The following SYCE2 variants were observed in gnomAD, a reference collection of about 807,000 sequenced individuals.
SYCE2 encodes central element synaptonemal complex 1.
SYCE2 carries 3 observed loss-of-function variants against 27.9 expected under a neutral mutation model. The ratio of observed to expected loss-of-function variants is 0.11; its 90% CI spans 0.05 to 0.28. The LOEUF is 0.28. Among genes scored for constraint, SYCE2 ranks in the 10% least tolerant of loss-of-function variants. The probability of loss-of-function intolerance (pLI) is 1.00; values close to 1 mark genes in which losing one functional copy is unlikely to be tolerated. For synonymous variants in SYCE2, 85 were observed against 100.7 expected (o/e 0.84, Z 0.93); for missense variants, 207 against 263.5 (o/e 0.79, Z 1.48).
At chr19:12,917,052 T>C (rs1412220424) in intron 2 of SYCE2, among the ~76,000 whole-genome samples, 1 of 144,532 alleles carries the variant, frequency 6.9e-6, no homozygotes, top group Non-Finnish European at 1.5e-5. Flanking sequence ...GCCCAGCCTC[T>C]ACTATATATA....
chr19:12,904,469 T>G (rs1970897205), intron 3 of SYCE2, 23 bp downstream of exon 3: 4 of 1,613,534 alleles, frequency 2.5e-6, no homozygotes, highest in African/African-American at 1.3e-5. Flanking sequence ...GAATCCCCCC[T>G]CTCGCTGGGT....
At chr19:12,913,017 T>C (rs1240615074) in intron 2 of SYCE2, among the ~76,000 whole-genome samples, 1 of 152,204 alleles carries the variant, frequency 6.6e-6, no homozygotes, top group Non-Finnish European at 1.5e-5. Context: ...ATGCGTGGTG[T>C]CCTCTCTGCT....
At position 12,898,973 on chromosome 19, in the gene SYCE2, C is replaced by G; in HGVS notation, c.*368G>C. 1 of 302,662 alleles carries G rather than the reference C, an allele frequency of 3.3e-6. No individual in the cohort carries two copies. The highest frequency in any genetic ancestry group is 6.4e-6 in the Non-Finnish European group (1 of 157,062). 18.7% of individuals were successfully genotyped at this position (302,662 alleles called of 1,614,324 possible). ...TCAGCTGAGGCAAGTGACTGCTCTT[C>G]CGATGTGCTGTCCCTCCTATCCCTC... On this transcript the variant is annotated 3_prime_UTR_variant, in exon 6 of 6. Transcript: ENST00000293695.
At chr19:12,899,797 A>C (rs1178783415) in intron 5 of SYCE2, 9 of 1,588,200 alleles carry the variant, frequency 5.7e-6, no homozygotes, top group Non-Finnish European at 7.8e-6. Context: ...TTTACCCTGA[A>C]ATAGCAGCTT....
rs575486638 is a variant in SYCE2, at chr19:12,901,085, C to T, written c.307-437G>A. 6.6e-5 allele frequency among the ~76,000 whole-genome samples: 10 copies of T among 152,118 alleles called. No individual in the cohort carries two copies. The South Asian group carries it at 1.7e-3, about 25-fold the overall frequency. On this transcript the variant is annotated intron_variant, in intron 3 of 5. Transcript: ENST00000293695. Reference sequence around the variant, plus strand: ...TTGGGAGGCTGAGGCAGGAGAATGGCGTGAACCCGGGCGGCGGAGCTTGCA... The same window carrying T: ...TTGGGAGGCTGAGGCAGGAGAATGGTGTGAACCCGGGCGGCGGAGCTTGCA...
chr19:12,904,927 C>G (rs1053598729), intron 2 of SYCE2, among the ~76,000 whole-genome samples: 16 of 151,804 alleles, frequency 1.1e-4, no homozygotes, highest in African/African-American at 3.9e-4. Flanking sequence ...ATTGCTTGAA[C>G]CCAGGGGATG....
At chr19:12,911,615 C>T (rs866020072) in intron 2 of SYCE2, among the ~76,000 whole-genome samples, 4 of 103,748 alleles carry the variant, frequency 3.9e-5, no homozygotes, top group Admixed American at 1.2e-4. Flanking sequence ...TAATTTTTGC[C>T]TTTTTTTTTT....
chr19:12,903,075 A>C (rs1352536098), intron 3 of SYCE2, among the ~76,000 whole-genome samples: 1 of 147,730 alleles, frequency 6.8e-6, no homozygotes, highest in East Asian at 2.0e-4. Context: ...AACCAGAAAG[A>C]GGCAGTCTTC....
intron 2 of SYCE2, among the ~76,000 whole-genome samples, chr19:12,915,255 A>T (rs1442919733): frequency 1.3e-5 from 2 of 152,142 alleles, no homozygotes; most frequent in Non-Finnish European, 2.9e-5. Flanking sequence ...AAAGTTGACT[A>T]TGAGAATGGT....
chr19:12,915,569 T>A (rs1308243787), intron 2 of SYCE2, among the ~76,000 whole-genome samples: 6 of 129,912 alleles, frequency 4.6e-5, no homozygotes, highest in Non-Finnish European at 9.4e-5. Flanking sequence ...GCCCCCTCAC[T>A]CCAGCCTGGG....
intron 2 of SYCE2, among the ~76,000 whole-genome samples, chr19:12,907,223 C>A (rs192933618): frequency 6.6e-6 from 1 of 152,150 alleles, no homozygotes; most frequent in African/African-American, 2.4e-5. Flanking sequence ...GTTCTCTTTA[C>A]GACATGGGCT....
intron 3 of SYCE2, 95 bp from the exon 4 acceptor site, chr19:12,900,743 T>A: frequency 1.6e-6 from 2 of 1,241,930 alleles, no homozygotes; most frequent in Non-Finnish European, 2.3e-6. Flanking sequence ...GCAATTTATC[T>A]TATGAAAATG....
chr19:12,901,302 G>T (rs2145962830), intron 3 of SYCE2, among the ~76,000 whole-genome samples: 1 of 152,072 alleles, frequency 6.6e-6, no homozygotes, highest in East Asian at 1.9e-4. Flanking sequence ...CTTGAACCTG[G>T]GAGGTGGAGG....
intron 2 of SYCE2, among the ~76,000 whole-genome samples, chr19:12,909,971 A>T (rs1009317574): frequency 4.6e-5 from 7 of 152,192 alleles, no homozygotes; most frequent in African/African-American, 1.7e-4. Context: ...GTTTCAAGCG[A>T]TTCTCTTGCC....
At position 12,904,508 on chromosome 19, in the gene SYCE2, T is replaced by C. The variant is rs908987426; in HGVS notation, c.290A>G (p.Asn97Ser). 6.2e-7 allele frequency: 1 copy of C among 1,614,100 alleles called. No homozygotes were observed. The highest frequency in any genetic ancestry group is 1.1e-5 in the South Asian group (1 of 91,078). The change falls in exon 3 of 6, where the codon AAC becomes AGC. Residue 97 changes from asparagine to serine, a missense_variant. Asn to Ser is a conservative substitution (Grantham distance 46). Transcript: ENST00000293695. ...KDHALMTNFR[N>S]SLKTKVSDLT... The stretch of plus-strand genomic sequence containing the variant: ...GTCTGTCACCTTGGTCTTCAGGCTG[T>C]TCCTGAAGTTGGTCATGAGTGCATG...
At chr19:12,905,190 T>A (rs1321239259) in intron 2 of SYCE2, among the ~76,000 whole-genome samples, 1 of 151,972 alleles carries the variant, frequency 6.6e-6, no homozygotes, top group Non-Finnish European at 1.5e-5. Flanking sequence ...ATTTTATAGC[T>A]GAGAAAACAG....
At chr19:12,912,064 A>C (rs1179830845) in intron 2 of SYCE2, among the ~76,000 whole-genome samples, 1 of 148,202 alleles carries the variant, frequency 6.7e-6, no homozygotes, top group African/African-American at 2.6e-5. Context: ...CAGCTTCCCA[A>C]GTAGCTAGGA....
At chr19:12,901,039 G>A (rs1970825205) in intron 3 of SYCE2, among the ~76,000 whole-genome samples, 3 of 152,046 alleles carry the variant, frequency 2.0e-5, no homozygotes, top group Non-Finnish European at 4.4e-5. Flanking sequence ...CGAGGTGGCG[G>A]GCGCCTGTAG....
In SYCE2 at chr19:12,900,055, G is replaced by A. The variant is rs766886984; in HGVS notation, c.561C>T (p.Asn187=). Reference sequence around the variant, plus strand: ...AAACGAACACGTCTGGGGGCTGTGAGTTGCCGGGACGTGGTGGGGACTTTC... The same window carrying A: ...AAACGAACACGTCTGGGGGCTGTGAATTGCCGGGACGTGGTGGGGACTTTC... ...SRGKSPPRPG[N]SQPPDVFVSS... Residue 187 remains asparagine, a synonymous_variant, in exon 5 of 6, where the codon AAC becomes AAT. Transcript: ENST00000293695. The A allele has an allele frequency of 1.9e-6, 3 of 1,613,634 alleles. No individual in the cohort carries two copies. The highest frequency in any genetic ancestry group is 2.7e-5 in the African/African-American group (2 of 74,930).
Sources: gnomAD v4.1 joint callset for allele counts (sites outside exome capture counted in the v4.1 genomes callset) on GRCh38, gnomAD v4.1.1 for gene constraint, MANE v1.5 for transcripts, NCBI Gene and HGNC (gene_info 2026-07-23, HGNC 2026-07-21) for gene names.